Variants in DNAH12 observed in about 807,000 individuals in gnomAD.
DNAH12 encodes axonemal beta dynein heavy chain 12.
In DNAH12, 285 loss-of-function variants were observed where a neutral mutation model predicts 371.5. The observed-to-expected ratio is 0.77, with a 90% CI of 0.70 to 0.85. The LOEUF (loss-of-function observed/expected upper bound fraction) is 0.85, where lower values mean the gene tolerates loss of function less well. Among genes scored for constraint, DNAH12 ranks in the 40% least tolerant of loss-of-function variants. The pLI, the probability that DNAH12 is intolerant of heterozygous loss-of-function variation, is 0.00. For synonymous variants in DNAH12, 1,200 were observed against 1,213.0 expected (o/e 0.99, Z 0.22); for missense variants, 3,611 against 3,689.4 (o/e 0.98, Z 0.55).
At position 57,472,537 on chromosome 3, in the gene DNAH12, T is replaced by C. The variant is rs2066396417; in HGVS notation, c.1776+9A>G. The C allele has an allele frequency of 6.5e-7, 1 of 1,539,562 alleles. No homozygotes were observed. The highest frequency in any genetic ancestry group is 1.2e-5 in the South Asian group (1 of 80,682). ...GATTACAAAAATACATACTGAAAAA[T>C]ATATTTACCTCATCATTTTCATCAA... On this transcript the variant is annotated intron_variant, in intron 14 of 73. Transcript: ENST00000495027.
chr3:57,421,388 A>G (rs2064574988), intron 36 of DNAH12, 130 bp downstream of exon 36: 1 of 729,804 alleles, frequency 1.4e-6, no homozygotes, highest in Non-Finnish European at 2.2e-6. Context: ...GGGAGGTGAA[A>G]CTAAAAGAAG....
At chr3:57,356,065 G>A (rs1189637178) in intron 59 of DNAH12, among the ~76,000 whole-genome samples, 1 of 152,144 alleles carries the variant, frequency 6.6e-6, no homozygotes, top group African/African-American at 2.4e-5. Context: ...TGGCAGAACT[G>A]AGGTGTAATC....
At chr3:57,530,781 T>C (rs2068815312) in intron 2 of DNAH12, 1 of 225,280 alleles carries the variant, frequency 4.4e-6, no homozygotes, top group Middle Eastern at 6.1e-4. Flanking sequence ...CCAGGAGAAA[T>C]TCCCCACATC....
chr3:57,365,806 T>G (rs1325276976), intron 57 of DNAH12, among the ~76,000 whole-genome samples: 1 of 151,888 alleles, frequency 6.6e-6, no homozygotes, highest in African/African-American at 2.4e-5. Context: ...TTTTATATGC[T>G]GCTTTTTCCT....
chr3:57,337,235 G>A (rs778619667), intron 60 of DNAH12, among the ~76,000 whole-genome samples: 10 of 152,170 alleles, frequency 6.6e-5, no homozygotes, highest in Non-Finnish European at 7.3e-5. Flanking sequence ...GGCCAGGCAC[G>A]GTGGCTCACG....
At chr3:57,517,803 T>A (rs1279708298) in intron 4 of DNAH12, among the ~76,000 whole-genome samples, 6 of 152,092 alleles carry the variant, frequency 3.9e-5, no homozygotes, top group African/African-American at 1.4e-4. Context: ...TCCCAGCACT[T>A]TGCGAGGTAG....
intron 18 of DNAH12, among the ~76,000 whole-genome samples, chr3:57,462,394 G>C (rs760389937): frequency 6.6e-6 from 1 of 152,124 alleles, no homozygotes; most frequent in Non-Finnish European, 1.5e-5. Flanking sequence ...TGGGATTACA[G>C]GCACCCACTG....
chr3:57,373,478 C>T (rs1333697852), intron 55 of DNAH12, among the ~76,000 whole-genome samples: 5 of 111,720 alleles, frequency 4.5e-5, no homozygotes, highest in Non-Finnish European at 7.7e-5. Context: ...CCACACCTGG[C>T]TAATTTTTTT....
chr3:57,553,724 G>A, the DNAH12 span, among the ~76,000 whole-genome samples: 15 of 152,058 alleles, frequency 9.9e-5, no homozygotes, highest in African/African-American at 2.7e-4. Flanking sequence ...AAAATATCAC[G>A]GAAGCAACAG....
intron 13 of DNAH12, among the ~76,000 whole-genome samples, chr3:57,475,718 G>A (rs187568295): frequency 6.6e-6 from 1 of 152,184 alleles, no homozygotes; most frequent in Non-Finnish European, 1.5e-5. Flanking sequence ...TTCTTTTTAG[G>A]AAAATGCAAA....
chr3:57,460,794 C>T (rs2066035022), intron 19 of DNAH12, among the ~76,000 whole-genome samples: 1 of 152,176 alleles, frequency 6.6e-6, no homozygotes, highest in Admixed American at 6.5e-5. Flanking sequence ...GCTAGATGAA[C>T]TTAGAAAAAT....
At chr3:57,413,676 TTTTAC>T in intron 39 of DNAH12, 65 bp downstream of exon 39, 1 of 1,452,184 alleles carries the variant, frequency 6.9e-7, no homozygotes, top group Non-Finnish European at 9.2e-7. Context: ...AAATGTATTA[TTTTAC>T]TTTAAAAACC....
rs1553681923 is a variant in DNAH12, at chr3:57,408,320, T to C, written c.6236A>G (p.Tyr2079Cys). The C allele has an allele frequency of 1.9e-6, 3 of 1,551,274 alleles. No individual in the cohort carries two copies. The highest frequency in any genetic ancestry group is 2.6e-6 in the Non-Finnish European group (3 of 1,146,778). ...GACTATCTGGTTCCCAATTACAAAG[T>C]ACTCTGGAGGAAATTCATGAGTTCT... ...YLRTHEFPPEYFVIGNQIVNG... is the reference protein window; with the variant it reads ...YLRTHEFPPECFVIGNQIVNG... The change falls in exon 40 of 74, where the codon TAC becomes TGC. Residue 2079 changes from tyrosine to cysteine, a missense_variant. Transcript: ENST00000495027.
chr3:57,393,734 C>G (rs2063680648), intron 44 of DNAH12, among the ~76,000 whole-genome samples: 1 of 150,520 alleles, frequency 6.6e-6, no homozygotes, highest in Admixed American at 6.6e-5. Flanking sequence ...TATTTTTTGT[C>G]AATTAAATCA....
chr3:57,382,809 T>C (rs2153343528), intron 49 of DNAH12, among the ~76,000 whole-genome samples: 1 of 152,304 alleles, frequency 6.6e-6, no homozygotes, highest in East Asian at 1.9e-4. Context: ...TACGTCCCAA[T>C]TCCAAACCTA....
Position 57,468,809 on chromosome 3 carries a change from A to AT in DNAH12, c.2275dup (p.Ile759AsnfsTer2). ...AGCATTGTCTTTTGGTTCTTCTTCA[A>AT]TTTTCTCTTCTTCCAAAGACCGTTT... is the stretch of plus-strand genomic sequence containing the variant. On this transcript the variant is annotated frameshift_variant, in exon 17 of 74. Transcript: ENST00000495027. LOFTEE classifies it high-confidence loss of function. The AT allele has an allele frequency of 2.0e-6, 3 of 1,535,300 alleles. No homozygotes were observed. Among genetic ancestry groups the AT allele is most frequent in the Non-Finnish European group, 2.6e-6 (3 of 1,143,294 alleles).
chr3:57,468,882 G>T lies in DNAH12; in HGVS notation c.2203C>A (p.Gln735Lys). Residue 735 changes from glutamine to lysine, a missense_variant, in exon 17 of 74, where the codon CAA (glutamine) becomes AAA (lysine). Gln to Lys is a moderately conservative substitution (Grantham distance 53). Coordinates refer to ENST00000495027, the MANE Select transcript of DNAH12 (RefSeq NM_001366028.2). ...REIFKTLKFFQTKLKKELQEK... is the reference protein window; with the variant it reads ...REIFKTLKFFKTKLKKELQEK... ...TGTAATTCTTTCTTTAGCTTCGTTT[G>T]GAAAAATTTTAGTGTCTTAAAAATT... The T allele has an allele frequency of 6.6e-7, 1 of 1,523,022 alleles. No homozygotes were observed. The highest frequency in any genetic ancestry group is 1.3e-5 in the South Asian group (1 of 78,560). 94.3% of individuals were successfully genotyped at this position (1,523,022 alleles called of 1,614,324 possible).
intron 45 of DNAH12, among the ~76,000 whole-genome samples, chr3:57,387,574 C>T (rs1424972029): frequency 6.6e-6 from 1 of 152,124 alleles, no homozygotes; most frequent in Non-Finnish European, 1.5e-5. Context: ...CCAATATCTA[C>T]TAGCCCCTTC....
At chr3:57,448,541 G>A (rs954877491) in intron 25 of DNAH12, among the ~76,000 whole-genome samples, 9 of 145,226 alleles carry the variant, frequency 6.2e-5, no homozygotes, top group South Asian at 2.3e-4. Flanking sequence ...AGTGGACCCA[G>A]AGTGAGCAGT....
Sources: gnomAD v4.1 joint callset for allele counts (sites outside exome capture counted in the v4.1 genomes callset) on GRCh38, gnomAD v4.1.1 for gene constraint, MANE v1.5 for transcripts, NCBI Gene and HGNC (gene_info 2026-07-23, HGNC 2026-07-21) for gene names.